Variants in EGFL6 observed in about 807,000 individuals in gnomAD.
EGFL6 encodes the protein EGF like domain multiple 6, also known as epidermal growth factor-like protein 6.
EGFL6 carries 42 observed loss-of-function variants against 43.1 expected under a neutral mutation model. The observed-to-expected ratio is 0.98, with a 90% CI of 0.76 to 1.26. EGFL6 has a LOEUF of 1.26. Ranked by LOEUF, EGFL6 falls within the 50% of genes most tolerant of loss-of-function variation. The pLI is 0.00. For synonymous variants in EGFL6, 164 were observed against 163.2 expected (o/e 1.01, Z -0.04); for missense variants, 429 against 427.8 (o/e 1.00, Z -0.02).
intron 5 of EGFL6, among the ~76,000 whole-genome samples, chrX:13,604,283 C>G (rs2045648830): frequency 9.0e-6 from 1 of 111,016 alleles, no homozygotes; most frequent in African/African-American, 3.3e-5. Flanking sequence ...GGGAAGTAAC[C>G]CAGGGAAAGG....
At chrX:13,593,422 C>T (rs1370322857) in intron 2 of EGFL6, among the ~76,000 whole-genome samples, 1 of 111,612 alleles carries the variant, frequency 9.0e-6, no homozygotes, top group African/African-American at 3.3e-5. Context: ...AGGTATCTTA[C>T]GAGCAATTTG....
chrX:13,572,187 C>T (rs2045446758), intron 1 of EGFL6, among the ~76,000 whole-genome samples: 1 of 111,381 alleles, frequency 9.0e-6, no homozygotes, highest in South Asian at 3.8e-4. Flanking sequence ...TACCCTAGAC[C>T]TGTCCAATAC....
Position 13,627,017 on chromosome X carries a change from G to A in EGFL6, c.1292G>A (p.Gly431Asp). ...TTTTTCCCTTCTCTTAAAGCTATTG[G>A]CTTCTATATGGCAGTTCCGGCCTTG... ...WNPADRDNAI[G>D]FYMAVPALAG... The change falls in exon 11 of 12, where the codon GGC (glycine) becomes GAC (aspartate). Residue 431 changes from glycine to aspartate, a missense_variant. Physicochemically the swap from Gly to Asp is moderately conservative, Grantham distance 94. Transcript: ENST00000361306. 1 of 1,209,819 alleles carries A rather than the reference G, an allele frequency of 8.3e-7. No individual in the cohort carries two copies. The highest frequency in any genetic ancestry group is 1.1e-6 in the Non-Finnish European group (1 of 894,195).
chrX:13,615,242 G>A (rs748935877), intron 7 of EGFL6, among the ~76,000 whole-genome samples: 2 of 112,668 alleles, frequency 1.8e-5, no homozygotes, highest in East Asian at 5.5e-4. Flanking sequence ...GAATGAAATT[G>A]TCAACACTAT....
rs192750435 is a variant in EGFL6 at position 13,593,072 on chromosome X, G to A, written c.188-1764G>A. Among the ~76,000 whole-genome samples, 605 of 109,467 alleles carry A rather than the reference G, an allele frequency of 5.5e-3. 3 individuals carry two copies. Among genetic ancestry groups the A allele is most frequent in the Non-Finnish European group, 9.9e-3 (522 of 52,500 alleles). ...TAGGATTACAGGTGCCCGCCACCAC[G>A]CCTGGCTAATTTTTGTATTTTTAGT... On this transcript the variant is annotated intron_variant, in intron 2 of 11. Coordinates refer to ENST00000361306, the MANE Select transcript of EGFL6 (RefSeq NM_015507.4).
At position 13,578,793 on chromosome X, in the gene EGFL6, C is replaced by T. The variant is rs866296354; in HGVS notation, c.74+8858C>T. Among the ~76,000 whole-genome samples, 27 of 103,651 alleles carry T rather than the reference C, an allele frequency of 2.6e-4. 2 individuals carry two copies. The highest frequency in any genetic ancestry group is 9.4e-4 in the African/African-American group (23 of 24,341). The allele number at this position is 103,651 out of a possible 115,157, so 90.0% of individuals were successfully genotyped here. On this transcript the variant is annotated intron_variant, in intron 1 of 11. Transcript: ENST00000361306. ...GGGGCCTGTCGTGGGGTGGGGGCAG[C>T]GGGGAGGGATAGCATTGGTAGATAT...
At chrX:13,593,978 A>G (rs1323585966) in intron 2 of EGFL6, among the ~76,000 whole-genome samples, 1 of 111,340 alleles carries the variant, frequency 9.0e-6, no homozygotes, top group African/African-American at 3.3e-5. Flanking sequence ...TATTATGGCT[A>G]TTTCTTGAGC....
chrX:13,594,613 CT>C (rs2045586280), intron 2 of EGFL6, among the ~76,000 whole-genome samples: 1 of 111,365 alleles, frequency 9.0e-6, no homozygotes, highest in African/African-American at 3.3e-5. Context: ...TTTATTAAAT[CT>C]TTTGTGTTTG....
In EGFL6 at chrX:13,616,859, A is replaced by ATTT. The variant is rs773399610; in HGVS notation, c.779-852_779-850dup. ...ATAAGAAGAATTGATCTAGAGGTACATTTTTTTTTTTTTTTTTTTTTGAGA... is the reference window on the plus strand; with the variant it reads ...ATAAGAAGAATTGATCTAGAGGTACATTTTTTTTTTTTTTTTTTTTTTTTGAGA... On this transcript the variant is annotated intron_variant, in intron 7 of 11. Transcript: ENST00000361306. Among the ~76,000 whole-genome samples, 19 of 88,965 alleles carry ATTT rather than the reference A, an allele frequency of 2.1e-4. 1 individual carries two copies. Among genetic ancestry groups the ATTT allele is most frequent in the African/African-American group, 7.5e-4 (17 of 22,727 alleles). 77.3% of individuals were successfully genotyped at this position (88,965 alleles called of 115,157 possible). A position where few individuals can be genotyped will look rare whatever the true frequency, so the allele number is the denominator to read the frequency against.
At chrX:13,615,441 G>A (rs2045713058) in intron 7 of EGFL6, among the ~76,000 whole-genome samples, 1 of 111,999 alleles carries the variant, frequency 8.9e-6, no homozygotes, top group African/African-American at 3.2e-5. Context: ...GGGGTTTCCT[G>A]TTAATTTTTC....
At chrX:13,605,812 A>G (rs2045657181) in intron 5 of EGFL6, among the ~76,000 whole-genome samples, 1 of 112,268 alleles carries the variant, frequency 8.9e-6, no homozygotes, top group Admixed American at 9.4e-5. Flanking sequence ...ACATCATTAC[A>G]TAATTACACC....
chrX:13,606,667 C>T (rs1048634873), intron 6 of EGFL6, among the ~76,000 whole-genome samples, 154 bp downstream of exon 6: 2 of 112,010 alleles, frequency 1.8e-5, no homozygotes, highest in African/African-American at 6.5e-5. Context: ...TTTTAGGTGT[C>T]TGGCATTTAG....
intron 1 of EGFL6, among the ~76,000 whole-genome samples, chrX:13,582,132 G>A (rs971383696): frequency 4.7e-4 from 51 of 107,595 alleles, no homozygotes; most frequent in Non-Finnish European, 7.1e-4. Flanking sequence ...GCGCAATCTC[G>A]GCTGACTGCA....
intron 4 of EGFL6, among the ~76,000 whole-genome samples, chrX:13,602,676 C>T (rs926163676): frequency 9.0e-6 from 1 of 111,697 alleles, no homozygotes; most frequent in Admixed American, 9.5e-5. Flanking sequence ...TCCAGAAGCC[C>T]CACTCCCTCC....
At chrX:13,614,162 C>A (rs1024779716) in intron 7 of EGFL6, among the ~76,000 whole-genome samples, 12 of 112,077 alleles carry the variant, frequency 1.1e-4, no homozygotes, top group Non-Finnish European at 3.8e-5. Flanking sequence ...GGACATATGG[C>A]TAGAAGATGT....
rs1250922948 is a variant in EGFL6, at chrX:13,577,795, G to C, written c.74+7860G>C. On this transcript the variant is annotated intron_variant, in intron 1 of 11. Coordinates refer to ENST00000361306, the MANE Select transcript of EGFL6 (RefSeq NM_015507.4). Reference sequence around the variant, plus strand: ...CCAGTGGCTGCCAAGAGGCAAAGAAGGCAGGCTGGAACCAGGCTGTGAGGA... The same window carrying C: ...CCAGTGGCTGCCAAGAGGCAAAGAACGCAGGCTGGAACCAGGCTGTGAGGA... Among the ~76,000 whole-genome samples the C allele has an allele frequency of 2.7e-5, 3 of 112,447 alleles. No homozygotes were observed. The Admixed American group carries it at 2.8e-4, about 11-fold the overall frequency.
At chrX:13,582,938 C>T (rs1448346381) in intron 1 of EGFL6, among the ~76,000 whole-genome samples, 3 of 111,690 alleles carry the variant, frequency 2.7e-5, no homozygotes, top group African/African-American at 6.5e-5. Context: ...TGTGTGATTT[C>T]ACATCTAACT....
intron 11 of EGFL6, among the ~76,000 whole-genome samples, chrX:13,631,614 C>CTAAAAATTT (rs1353979199): frequency 2.7e-5 from 3 of 110,093 alleles, no homozygotes; most frequent in Non-Finnish European, 5.7e-5. Flanking sequence ...AAACCCTGTA[C>CTAAAAATTT]TAAAAATTTA....
intron 11 of EGFL6, among the ~76,000 whole-genome samples, chrX:13,630,634 T>C (rs986439870): frequency 1.8e-5 from 2 of 112,392 alleles, no homozygotes; most frequent in Non-Finnish European, 3.8e-5. Context: ...TTGTTTCCAA[T>C]AGTTCTCAAG....
Sources: allele counts gnomAD v4.1 joint callset (sites outside exome capture counted in the v4.1 genomes callset), GRCh38; gene constraint gnomAD v4.1.1; transcripts MANE v1.5; gene names NCBI Gene and HGNC (gene_info 2026-07-23, HGNC 2026-07-21).